SLC9A9: variants seen among roughly 807,000 people sequenced by gnomAD.
The protein encoded by SLC9A9 is solute carrier family 9 member A9.
SLC9A9 carries 62 observed loss-of-function variants against 77.8 expected under a neutral mutation model. The observed-to-expected ratio is 0.80, with a 90% CI of 0.65 to 0.98. The LOEUF (loss-of-function observed/expected upper bound fraction) is 0.98, where lower values mean the gene tolerates loss of function less well. SLC9A9 is among the 50% of genes least tolerant of loss of function. SLC9A9 has a pLI of 0.00. For missense variants in SLC9A9, 775 were observed against 774.9 expected (o/e 1.00, Z 0.00); for synonymous variants, 320 against 283.5 (o/e 1.13, Z -1.29).
At chr3:143,505,203 C>G (rs2035991375) in intron 9 of SLC9A9, among the ~76,000 whole-genome samples, 1 of 152,016 alleles carries the variant, frequency 6.6e-6, no homozygotes, top group Non-Finnish European at 1.5e-5. Context: ...CCAAGCCAAC[C>G]CCTCCTACAC....
intron 4 of SLC9A9, among the ~76,000 whole-genome samples, chr3:143,769,966 T>C (rs1033239514): frequency 1.1e-4 from 16 of 152,206 alleles, no homozygotes; most frequent in African/African-American, 3.9e-4. Flanking sequence ...GTATGAGTGC[T>C]TATAAATAGC....
At chr3:143,382,006 A>C in intron 13 of SLC9A9, 54 bp downstream of exon 13, 1 of 1,600,004 alleles carries the variant, frequency 6.2e-7, no homozygotes, top group Admixed American at 1.7e-5. Flanking sequence ...GGAACAGCCT[A>C]TGGAACAGAA....
chr3:143,704,537 C>T (rs1300686903), intron 4 of SLC9A9, among the ~76,000 whole-genome samples: 2 of 152,034 alleles, frequency 1.3e-5, no homozygotes, highest in African/African-American at 2.4e-5. Flanking sequence ...ATAAGAAAAA[C>T]TCAAAAAACT....
chr3:143,620,990 T>G (rs1169787929), intron 6 of SLC9A9, among the ~76,000 whole-genome samples: 1 of 152,088 alleles, frequency 6.6e-6, no homozygotes, highest in African/African-American at 2.4e-5. Flanking sequence ...GCTCAGAGGG[T>G]CCTATGCCCA....
intron 13 of SLC9A9, among the ~76,000 whole-genome samples, chr3:143,370,785 C>T (rs1003820749): frequency 6.6e-6 from 1 of 151,994 alleles, no homozygotes; most frequent in African/African-American, 2.4e-5. Flanking sequence ...ACCACTTCAT[C>T]ATCGCTTTCA....
At chr3:143,284,663 T>C (rs1374352214) in intron 14 of SLC9A9, among the ~76,000 whole-genome samples, 2 of 152,182 alleles carry the variant, frequency 1.3e-5, no homozygotes, top group Non-Finnish European at 2.9e-5. Context: ...AACTAGAATT[T>C]AGAAAGGAAA....
At chr3:143,457,905 A>G (rs1204855367) in intron 12 of SLC9A9, among the ~76,000 whole-genome samples, 1 of 152,152 alleles carries the variant, frequency 6.6e-6, no homozygotes, top group Non-Finnish European at 1.5e-5. Flanking sequence ...AAGAATGTGT[A>G]TTATGCTGCT....
intron 9 of SLC9A9, among the ~76,000 whole-genome samples, chr3:143,523,005 C>G (rs2036338648): frequency 6.6e-6 from 1 of 152,066 alleles, no homozygotes; most frequent in Admixed American, 6.6e-5. Flanking sequence ...TCATTTGGGT[C>G]CCAGGTCATT....
chr3:143,269,038 G>T, intron 14 of SLC9A9, 58 bp from the exon 15 acceptor site: 3 of 1,271,814 alleles, frequency 2.4e-6, no homozygotes, highest in Non-Finnish European at 3.4e-6. Context: ...GGAATCTTAC[G>T]CTGCACAAAC....
chr3:143,406,221 T>C (rs952330107), intron 12 of SLC9A9, among the ~76,000 whole-genome samples: 3 of 152,214 alleles, frequency 2.0e-5, no homozygotes, highest in Non-Finnish European at 4.4e-5. Flanking sequence ...TTATGACTTT[T>C]TAAATTATTT....
chr3:143,714,888 G>C lies in SLC9A9; in HGVS notation c.534-21581C>G, dbSNP rs140588257. Reference sequence around the variant, plus strand: ...TCATCTTGAATTCCCATGTGTTGTGGGAGGGACCCGGTGGGAGGTAATTGA... The same window carrying C: ...TCATCTTGAATTCCCATGTGTTGTGCGAGGGACCCGGTGGGAGGTAATTGA... On this transcript the variant is annotated intron_variant, in intron 4 of 15. Transcript: ENST00000316549. Among the ~76,000 whole-genome samples, 911 of 152,320 alleles carry C rather than the reference G, an allele frequency of 6.0e-3. 12 individuals are homozygous for C. Among genetic ancestry groups the C allele is most frequent in the African/African-American group, 0.021 (859 of 41,566 alleles).
chr3:143,439,482 T>C (rs2034686336), intron 12 of SLC9A9, among the ~76,000 whole-genome samples: 1 of 152,112 alleles, frequency 6.6e-6, no homozygotes, highest in Non-Finnish European at 1.5e-5. Flanking sequence ...GTCACCACAC[T>C]GAGCACCAGG....
At chr3:143,450,473 A>G (rs938501695) in intron 12 of SLC9A9, among the ~76,000 whole-genome samples, 1 of 151,844 alleles carries the variant, frequency 6.6e-6, no homozygotes, top group Non-Finnish European at 1.5e-5. Flanking sequence ...GTTAATAATA[A>G]TTATCTCTGT....
intron 4 of SLC9A9, among the ~76,000 whole-genome samples, chr3:143,774,285 C>T (rs1049456165): frequency 6.6e-6 from 1 of 152,122 alleles, no homozygotes; most frequent in African/African-American, 2.4e-5. Context: ...TGTGTGGGAG[C>T]GCCTTTACTG....
intron 14 of SLC9A9, among the ~76,000 whole-genome samples, chr3:143,287,285 A>G (rs1938407005): frequency 6.6e-6 from 1 of 152,126 alleles, no homozygotes; most frequent in South Asian, 2.1e-4. Flanking sequence ...TCCTGGGTAA[A>G]GGTTTTGCTT....
At chr3:143,713,339 T>C (rs57421238) in intron 4 of SLC9A9, among the ~76,000 whole-genome samples, 2,834 of 152,228 alleles carry the variant, frequency 0.019, 110 homozygotes, top group African/African-American at 0.066. Context: ...CCTAAGATAC[T>C]GGAGGTTAGA....
intron 2 of SLC9A9, among the ~76,000 whole-genome samples, chr3:143,820,193 G>A (rs768038656): frequency 1.3e-5 from 2 of 152,176 alleles, no homozygotes; most frequent in Non-Finnish European, 2.9e-5. Context: ...CTTGTAAGTG[G>A]CATTTGATCC....
At chr3:143,299,896 CAGGT>C (rs1442140800) in intron 14 of SLC9A9, among the ~76,000 whole-genome samples, 1 of 152,174 alleles carries the variant, frequency 6.6e-6, no homozygotes, top group East Asian at 1.9e-4. Context: ...TAGATGACCT[CAGGT>C]AGGTCACTTA....
chr3:143,441,841 TCCATCCATCCATC>T (rs2034744080), intron 12 of SLC9A9, among the ~76,000 whole-genome samples: 17 of 151,262 alleles, frequency 1.1e-4, no homozygotes, highest in Admixed American at 2.6e-4. Context: ...CATTCATCCA[TCCATCCATCCATC>T]CATCCATCCA....
Sources: gnomAD v4.1 joint callset for allele counts (sites outside exome capture counted in the v4.1 genomes callset) on GRCh38, gnomAD v4.1.1 for gene constraint, MANE v1.5 for transcripts, NCBI Gene and HGNC (gene_info 2026-07-23, HGNC 2026-07-21) for gene names.